The following SPATA6 variants were observed in gnomAD, a reference collection of about 807,000 sequenced individuals.
The protein encoded by SPATA6 is spermatogenesis-associated protein 6.
In SPATA6, 56 loss-of-function variants were observed where a neutral mutation model predicts 65.3. The ratio of observed to expected loss-of-function variants is 0.86; its 90% CI spans 0.69 to 1.07. The LOEUF (loss-of-function observed/expected upper bound fraction) is 1.07, where lower values mean the gene tolerates loss of function less well. SPATA6 is among the 50% of genes least tolerant of loss of function. The pLI is 0.00. For missense variants in SPATA6, 590 were observed against 594.8 expected, an observed-to-expected ratio of 0.99 and a Z score of 0.08; for synonymous variants, 199 against 213.2, an observed-to-expected ratio of 0.93 and a Z score of 0.58.
At position 48,364,306 on chromosome 1, in the gene SPATA6, G is replaced by A. The variant is rs529366913; in HGVS notation, c.910-4536C>T. 2.0e-5 allele frequency among the ~76,000 whole-genome samples: 3 copies of A among 152,128 alleles called. No individual in the cohort carries two copies. The South Asian group carries it at 6.2e-4, about 32-fold the overall frequency. On this transcript the variant is annotated intron_variant, in intron 9 of 12. Coordinates refer to ENST00000371847, the MANE Select transcript of SPATA6 (RefSeq NM_019073.4). ...TAGAAGCATGATTTATATTCCTTTG[G>A]GTATATACCCAGTAATGGGATGGCT... is the stretch of plus-strand genomic sequence containing the variant.
chr1:48,409,156 C>G (rs2803281), intron 5 of SPATA6, among the ~76,000 whole-genome samples: 1 of 152,080 alleles, frequency 6.6e-6, no homozygotes, highest in African/African-American at 2.4e-5. Context: ...CTAGATACAA[C>G]GGGGGTATAG....
intron 10 of SPATA6, 115 bp from the exon 11 acceptor site, chr1:48,355,884 C>A: frequency 1.4e-6 from 1 of 729,340 alleles, no homozygotes; most frequent in South Asian, 1.9e-5. Flanking sequence ...GGTTGGCATA[C>A]ATTGGGGAGA....
intron 11 of SPATA6, among the ~76,000 whole-genome samples, chr1:48,342,204 CA>C (rs1382846606): frequency 6.6e-6 from 1 of 152,076 alleles, no homozygotes; most frequent in East Asian, 1.9e-4. Flanking sequence ...AACATGTATA[CA>C]AATGAGTATA....
At chr1:48,330,066 T>G (rs1185416161) in intron 11 of SPATA6, among the ~76,000 whole-genome samples, 2 of 152,148 alleles carry the variant, frequency 1.3e-5, no homozygotes, top group Non-Finnish European at 2.9e-5. Context: ...CAGGGAGCAG[T>G]AACATTGCTC....
intron 11 of SPATA6, among the ~76,000 whole-genome samples, chr1:48,313,801 T>A (rs1217942901): frequency 2.0e-5 from 3 of 152,086 alleles, no homozygotes; most frequent in Non-Finnish European, 2.9e-5. Flanking sequence ...AGGAGACCCA[T>A]CTTATGTGCA....
chr1:48,269,131 A>C, the SPATA6 span, among the ~76,000 whole-genome samples: 1 of 152,202 alleles, frequency 6.6e-6, no homozygotes, highest in Non-Finnish European at 1.5e-5. Context: ...TGAACACAGT[A>C]ATTTGGTCCT....
intron 3 of SPATA6, among the ~76,000 whole-genome samples, chr1:48,428,775 A>ATGTGTGTGTGTGTGTGTGTGTGTGTGTG (rs59651745): frequency 3.7e-5 from 5 of 133,576 alleles, no homozygotes; most frequent in Non-Finnish European, 7.9e-5. Context: ...AGGTGTATAT[A>ATGTGTGTGTGTGTGTGTGTGTGTGTGTG]TGTGTGTGTG....
At chr1:48,396,775 G>A (rs541823848) in intron 7 of SPATA6, among the ~76,000 whole-genome samples, 16 of 151,592 alleles carry the variant, frequency 1.1e-4, no homozygotes, top group Admixed American at 3.3e-4. Flanking sequence ...AGACAGGAAT[G>A]GAAAGTTATT....
At chr1:48,433,445 T>TTATTTTGTAA (rs1654593945) in intron 3 of SPATA6, among the ~76,000 whole-genome samples, 1 of 152,188 alleles carries the variant, frequency 6.6e-6, no homozygotes, top group Admixed American at 6.5e-5. Flanking sequence ...ATTTTGTAAC[T>TTATTTTGTAA]GTCTACTATC....
At chr1:48,420,259 C>T (rs970160128) in intron 3 of SPATA6, among the ~76,000 whole-genome samples, 3 of 152,170 alleles carry the variant, frequency 2.0e-5, no homozygotes, top group Admixed American at 6.5e-5. Flanking sequence ...TTCTACTATA[C>T]GTCATGCTAT....
At chr1:48,290,597 G>A (rs1353649625), downstream of SPATA6, among the ~76,000 whole-genome samples, 4 of 152,054 alleles carry the variant, frequency 2.6e-5, no homozygotes, top group African/African-American at 7.2e-5. Context: ...GTATTCAGGA[G>A]ACCCATCTCA....
the SPATA6 span, among the ~76,000 whole-genome samples, chr1:48,283,110 A>C: frequency 1.4e-5 from 2 of 145,224 alleles, no homozygotes; most frequent in Non-Finnish European, 3.0e-5. Flanking sequence ...GCATATTCTT[A>C]CTCATAGGTG....
intron 11 of SPATA6, among the ~76,000 whole-genome samples, chr1:48,329,201 G>T (rs1437339527): frequency 6.6e-6 from 1 of 152,076 alleles, no homozygotes; most frequent in Admixed American, 6.5e-5. Context: ...AGCCAATGAA[G>T]AAATCACAAT....
At chr1:48,276,388 T>C in the SPATA6 span, among the ~76,000 whole-genome samples, 138 of 152,272 alleles carry the variant, frequency 9.1e-4, 2 homozygotes, top group South Asian at 0.014. Context: ...TTTGAATTTG[T>C]TTGCTCTTGG....
At chr1:48,270,316 A>C in the SPATA6 span, among the ~76,000 whole-genome samples, 1 of 152,146 alleles carries the variant, frequency 6.6e-6, no homozygotes, top group Non-Finnish European at 1.5e-5. Context: ...CAGATGTTGG[A>C]AATTTGCTAT....
chr1:48,440,517 A>C (rs1043338570), intron 3 of SPATA6, among the ~76,000 whole-genome samples: 7 of 152,324 alleles, frequency 4.6e-5, no homozygotes, highest in African/African-American at 1.7e-4. Context: ...ACCCATCCCC[A>C]GTATGAATCC....
At chr1:48,349,222 C>G (rs1646450892) in intron 11 of SPATA6, among the ~76,000 whole-genome samples, 1 of 151,936 alleles carries the variant, frequency 6.6e-6, no homozygotes, top group African/African-American at 2.4e-5. Flanking sequence ...TGATTACTTT[C>G]TTGCTACAAC....
rs780827089 is a variant in SPATA6, at chr1:48,305,798, G to T, written c.1275C>A (p.Asp425Glu). The T allele has an allele frequency of 1.4e-5, 23 of 1,610,090 alleles. No homozygotes were observed. The highest frequency in any genetic ancestry group is 2.0e-5 in the Non-Finnish European group (23 of 1,177,620). The change falls in exon 12 of 13, where the codon GAC (aspartate) becomes GAA (glutamate). Residue 425 changes from aspartate to glutamate, a missense_variant. Asp to Glu is a conservative substitution (Grantham distance 45). Coordinates refer to ENST00000371847, the MANE Select transcript of SPATA6 (RefSeq NM_019073.4). ...TATTTCATTCATACCTATACTCGGG[G>T]TCACTGTCATAGGCAGAGTCTCTAC... ...LLCRDSAYDS[D>E]PEYSSCQQPR... is the part of the protein sequence containing the mutation.
intron 9 of SPATA6, among the ~76,000 whole-genome samples, chr1:48,369,483 G>C (rs1297120322): frequency 6.6e-6 from 1 of 152,246 alleles, no homozygotes; most frequent in Non-Finnish European, 1.5e-5. Flanking sequence ...GGCAATGGTA[G>C]GTGCCCCTCC....
Sources: gnomAD v4.1 joint callset for allele counts (sites outside exome capture counted in the v4.1 genomes callset) on GRCh38, gnomAD v4.1.1 for gene constraint, MANE v1.5 for transcripts, NCBI Gene and HGNC (gene_info 2026-07-23, HGNC 2026-07-21) for gene names.